CASP10: variants seen among roughly 807,000 people sequenced by gnomAD.
CASP10 encodes the protein caspase-10.
Under a neutral mutation model 48.5 loss-of-function variants are expected in CASP10, and 41 were observed. The observed-to-expected ratio is 0.85, with a 90% CI of 0.66 to 1.10. The LOEUF is 1.10. Among genes scored for constraint, CASP10 ranks in the 50% least tolerant of loss-of-function variants. The pLI is 0.00. For missense variants in CASP10, 614 were observed against 614.5 expected (o/e 1.00, Z 0.01); for synonymous variants, 232 against 238.4 (o/e 0.97, Z 0.25).
At chr2:201,224,006 A>G (rs1395955386), downstream of CASP10, among the ~76,000 whole-genome samples, 2 of 144,554 alleles carry the variant, frequency 1.4e-5, no homozygotes, top group Non-Finnish European at 1.5e-5. Flanking sequence ...GAGTCTTGCT[A>G]TGTTGCCCAG....
chr2:201,221,196 CTGAG>C lies in CASP10; in HGVS notation c.*3457_*3460del, dbSNP rs1212727813. The C allele has an allele frequency of 1.0e-6, 1 of 985,310 alleles. No individual in the cohort carries two copies. The highest frequency in any genetic ancestry group is 6.1e-5 in the Admixed American group (1 of 16,262). The allele number at this position is 985,310 out of a possible 1,614,324, so 61.0% of individuals were successfully genotyped here. A position where few individuals can be genotyped will look rare whatever the true frequency, so the allele number is the denominator to read the frequency against. The stretch of plus-strand genomic sequence containing the variant: ...GCACTAGCATTACCCCTGACATACT[CTGAG>C]TAAGATCTAATTCTTCCCTCACTGG... On this transcript the variant is annotated 3_prime_UTR_variant, in exon 10 of 10. Transcript: ENST00000286186.
At chr2:201,199,736 G>A (rs575841089) in intron 5 of CASP10, among the ~76,000 whole-genome samples, 2 of 151,448 alleles carry the variant, frequency 1.3e-5, no homozygotes, top group African/African-American at 2.4e-5. Context: ...CACCACATTC[G>A]GCTAATTTTT....
Position 201,218,231 on chromosome 2 carries a change from C to G in CASP10, c.*490C>G, listed in dbSNP as rs569407232. On this transcript the variant is annotated 3_prime_UTR_variant, in exon 10 of 10. Coordinates refer to ENST00000286186, the MANE Select transcript of CASP10 (RefSeq NM_032977.4). ...CCACCACACCTGGCCAGAAAACTTT[C>G]ATTATTGAAGACTTGGATTGTAGCC... The G allele has an allele frequency of 1.1e-4, 115 of 1,014,046 alleles. 2 individuals are homozygous for G. The Middle Eastern group carries it at 3.0e-3, about 27-fold the overall frequency. The allele number at this position is 1,014,046 out of a possible 1,614,324, so 62.8% of individuals were successfully genotyped here.
At chr2:201,224,354 TTTAC>T (rs1559318666), downstream of CASP10, among the ~76,000 whole-genome samples, 1 of 152,218 alleles carries the variant, frequency 6.6e-6, no homozygotes, top group African/African-American at 2.4e-5. Context: ...TGTTTAAAGA[TTTAC>T]TTATTTGGCA....
rs1028073042 is a variant in CASP10 at position 201,218,469 on chromosome 2, T to A, written c.*728T>A. On this transcript the variant is annotated 3_prime_UTR_variant, in exon 10 of 10. Coordinates refer to ENST00000286186, the MANE Select transcript of CASP10 (RefSeq NM_032977.4). ...AGGTGTGTGTCCATGCACAGCTAACTTTTTATTTTTTTTGTGGAGATGGGG... is the reference window on the plus strand; with the variant it reads ...AGGTGTGTGTCCATGCACAGCTAACATTTTATTTTTTTTGTGGAGATGGGG... 5 of 688,176 alleles carry A rather than the reference T, an allele frequency of 7.3e-6. No homozygotes were observed. In the African/African-American group the frequency reaches 9.8e-5, roughly 14 times the overall value. 42.6% of individuals were successfully genotyped at this position (688,176 alleles called of 1,614,324 possible).
chr2:201,195,827 T>C lies in CASP10; in HGVS notation c.578-15T>C. On this transcript the variant is annotated splice_polypyrimidine_tract_variant and intron_variant, in intron 4 of 9. Coordinates refer to ENST00000286186, the MANE Select transcript of CASP10 (RefSeq NM_032977.4). ...AAGGTGATTTTTATTTTTCTGTCTG[T>C]GATTTTATTTTCAGCTATCCAGATA... 1 of 1,587,102 alleles carries C rather than the reference T, an allele frequency of 6.3e-7. No individual in the cohort carries two copies. The highest frequency in any genetic ancestry group is 1.3e-5 in the African/African-American group (1 of 74,440).
chr2:201,183,466 A>C (rs2126000837), intron 1 of CASP10, among the ~76,000 whole-genome samples, 158 bp downstream of exon 1: 1 of 152,320 alleles, frequency 6.6e-6, no homozygotes, highest in Non-Finnish European at 1.5e-5. Flanking sequence ...AAAGTTAAAA[A>C]ATCCGGAAGC....
chr2:201,195,320 G>A (rs1205397453), intron 4 of CASP10, among the ~76,000 whole-genome samples: 1 of 151,890 alleles, frequency 6.6e-6, no homozygotes, highest in Non-Finnish European at 1.5e-5. Context: ...TCAAACTCTT[G>A]ACCTCAAGTG....
At position 201,209,161 on chromosome 2, in the gene CASP10, G is replaced by A. The variant is rs758304607; in HGVS notation, c.1014G>A (p.Lys338=). The A allele has an allele frequency of 3.1e-6, 5 of 1,612,104 alleles. No homozygotes were observed. In the South Asian group the frequency reaches 4.4e-5, roughly 14 times the overall value. ...TKVEMEMVLQ[K]QKCNPAHADG... Reference sequence around the variant, plus strand: ...TGGAAATGGAGATGGTCCTGCAGAAGCAGAAGTGCAATCCAGCCCATGCCG... The same window carrying A: ...TGGAAATGGAGATGGTCCTGCAGAAACAGAAGTGCAATCCAGCCCATGCCG... Residue 338 remains lysine, a synonymous_variant, in exon 9 of 10, where the codon AAG becomes AAA. Coordinates refer to ENST00000286186, the MANE Select transcript of CASP10 (RefSeq NM_032977.4).
In CASP10 at chr2:201,187,754, G is replaced by C. The variant is rs1944465097; in HGVS notation, c.396G>C (p.Lys132Asn). ...AAGGCATTGACTCAGAGAACTTAAA[G>C]GACATGATCTTCCTTCTGAAAGACT... ...LSEGIDSENL[K>N]DMIFLLKDSL... The change falls in exon 3 of 10, where the codon AAG (lysine) becomes AAC (asparagine). Residue 132 changes from lysine to asparagine, a missense_variant. Physicochemically the swap from Lys to Asn is moderately conservative, Grantham distance 94. Coordinates refer to ENST00000286186, the MANE Select transcript of CASP10 (RefSeq NM_032977.4). 1.2e-6 allele frequency: 2 copies of C among 1,613,944 alleles called. No homozygotes were observed. The highest frequency in any genetic ancestry group is 1.3e-5 in the African/African-American group (1 of 74,910).
Position 201,209,053 on chromosome 2 carries a change from T to G in CASP10, c.923-17T>G, listed in dbSNP as rs760618594. The G allele has an allele frequency of 6.9e-6, 11 of 1,603,410 alleles. No homozygotes were observed. Among genetic ancestry groups the G allele is most frequent in the East Asian group, 4.5e-5 (2 of 44,826 alleles). Reference sequence around the variant, plus strand: ...TCTCTCTCTCTCTCTTTTTTTTTTTTTTTTGTTTTTAAACAGAGATCCTGA... The same window carrying G: ...TCTCTCTCTCTCTCTTTTTTTTTTTGTTTTGTTTTTAAACAGAGATCCTGA... On this transcript the variant is annotated splice_polypyrimidine_tract_variant and intron_variant, in intron 8 of 9. Transcript: ENST00000286186.
Position 201,186,057 on chromosome 2 carries a change from C to T in CASP10, c.280C>T (p.His94Tyr). Residue 94 changes from histidine (H) to tyrosine (Y), a missense_variant, in exon 2 of 10, where the codon CAC (histidine) becomes TAC (tyrosine). His to Tyr is a moderately conservative substitution (Grantham distance 83). Coordinates refer to ENST00000286186, the MANE Select transcript of CASP10 (RefSeq NM_032977.4). ...CATACGGCAGAAGAAGCTGCTGCAG[C>T]ACCTCAACTGTACCAAAGAGGAAGT... ...YIIRQKKLLQ[H>Y]LNCTKEEVER... 1.2e-6 allele frequency: 2 copies of T among 1,612,782 alleles called. No homozygotes were observed. Among genetic ancestry groups the T allele is most frequent in the Non-Finnish European group, 1.7e-6 (2 of 1,180,006 alleles).
rs775005390 is a variant in CASP10 at position 201,209,339 on chromosome 2, A to G, written c.1192A>G (p.Ile398Val). 1.5e-5 allele frequency: 24 copies of G among 1,613,980 alleles called. No individual in the cohort carries two copies. The East Asian group carries it at 5.1e-4, about 34-fold the overall frequency. ...GGCTGAAAAACCTAAACTCTTTTTCATCCAGGCCTGCCAAGGTGAAGAGAT... is the reference window on the plus strand; with the variant it reads ...GGCTGAAAAACCTAAACTCTTTTTCGTCCAGGCCTGCCAAGGTGAAGAGAT... ...RLAEKPKLFF[I>V]QACQGEEIQP... The change falls in exon 9 of 10, where the codon ATC becomes GTC. Residue 398 changes from isoleucine (I) to valine (V), a missense_variant. Physicochemically the swap from Ile to Val is conservative, Grantham distance 29. Transcript: ENST00000286186.
chr2:201,201,755 T>A (rs1016338707), intron 5 of CASP10, among the ~76,000 whole-genome samples: 4 of 152,176 alleles, frequency 2.6e-5, no homozygotes, highest in African/African-American at 9.6e-5. Flanking sequence ...AAATGATGAA[T>A]AAAATAAAAC....
At chr2:201,215,323 A>C (rs1476664249) in intron 9 of CASP10, among the ~76,000 whole-genome samples, 1 of 149,304 alleles carries the variant, frequency 6.7e-6, no homozygotes, top group Non-Finnish European at 1.5e-5. Flanking sequence ...TGTTTTAAAA[A>C]TCCTTGCCCA....
At chr2:201,191,856 C>T (rs1232306712) in intron 3 of CASP10, among the ~76,000 whole-genome samples, 1 of 152,094 alleles carries the variant, frequency 6.6e-6, no homozygotes, top group Non-Finnish European at 1.5e-5. Context: ...AACATTGAGT[C>T]TAAAGGAAAC....
intron 3 of CASP10, among the ~76,000 whole-genome samples, chr2:201,192,697 G>A (rs1422915382): frequency 1.3e-5 from 2 of 152,028 alleles, no homozygotes; most frequent in East Asian, 1.9e-4. Context: ...TTAAAATGTG[G>A]ATTATAATAA....
intron 5 of CASP10, among the ~76,000 whole-genome samples, chr2:201,202,818 G>A (rs1241639306): frequency 6.6e-6 from 1 of 152,134 alleles, no homozygotes; most frequent in African/African-American, 2.4e-5. Context: ...TGAATGGGGA[G>A]GAGGGTACAG....
chr2:201,210,717 T>C (rs1003701234), intron 9 of CASP10, among the ~76,000 whole-genome samples: 3 of 152,186 alleles, frequency 2.0e-5, no homozygotes, highest in Non-Finnish European at 4.4e-5. Flanking sequence ...GAGAGCGTAC[T>C]ATGTGCTTAC....
Sources: gnomAD v4.1 joint callset for allele counts (sites outside exome capture counted in the v4.1 genomes callset) on GRCh38, gnomAD v4.1.1 for gene constraint, MANE v1.5 for transcripts, NCBI Gene and HGNC (gene_info 2026-07-23, HGNC 2026-07-21) for gene names.